The following C5 variants were observed in gnomAD, a reference collection of about 807,000 sequenced individuals.
The protein encoded by C5 is C3 and PZP-like alpha-2-macroglobulin domain-containing protein 4.
In C5, 140 loss-of-function variants were observed where a neutral mutation model predicts 218.8. The ratio of observed to expected loss-of-function variants is 0.64; its 90% CI spans 0.56 to 0.74. The LOEUF is 0.74. Ranked by LOEUF, C5 falls within the 30% of genes least tolerant of loss-of-function variation. C5 has a pLI of 0.00. For synonymous variants in C5, 614 were observed against 682.3 expected (o/e 0.90, Z 1.56); for missense variants, 1,700 against 1,969.6 (o/e 0.86, Z 2.59).
At chr9:121,060,953 C>T in the C5 span, among the ~76,000 whole-genome samples, 1 of 152,068 alleles carries the variant, frequency 6.6e-6, no homozygotes, top group African/African-American at 2.4e-5. Flanking sequence ...TTTGGGATGT[C>T]GAGGCAGGCA....
At chr9:121,039,766 A>G (rs2047560779) in intron 3 of C5, among the ~76,000 whole-genome samples, 1 of 152,150 alleles carries the variant, frequency 6.6e-6, no homozygotes, top group African/African-American at 2.4e-5. Flanking sequence ...CTCCTGCCTC[A>G]GCCTCCCGAG....
intron 31 of C5, among the ~76,000 whole-genome samples, chr9:120,971,033 G>A (rs529248936): frequency 2.8e-4 from 42 of 152,036 alleles, no homozygotes; most frequent in Admixed American, 7.9e-4. Context: ...TTAGCCAGGC[G>A]TAGTGGCATG....
chr9:121,023,016 T>G (rs955781388), intron 10 of C5, among the ~76,000 whole-genome samples: 1 of 151,558 alleles, frequency 6.6e-6, no homozygotes, highest in Non-Finnish European at 1.5e-5. Context: ...GAGAAAGGAG[T>G]CTATTTTCAA....
chr9:121,016,007 C>T (rs1374373271), intron 15 of C5, among the ~76,000 whole-genome samples: 5 of 152,176 alleles, frequency 3.3e-5, no homozygotes, highest in Admixed American at 2.0e-4. Context: ...TTAAACATAA[C>T]GTAAGGCACA....
chr9:121,060,884 T>G, the C5 span, among the ~76,000 whole-genome samples: 4 of 152,332 alleles, frequency 2.6e-5, no homozygotes, highest in Admixed American at 1.3e-4. Context: ...CTGTATTGCT[T>G]CATTTAAAAA....
intron 20 of C5, among the ~76,000 whole-genome samples, chr9:121,004,120 C>T (rs1198753534): frequency 6.6e-6 from 1 of 152,092 alleles, no homozygotes; most frequent in Non-Finnish European, 1.5e-5. Flanking sequence ...CCACCCGCCT[C>T]GGCCTCCCAA....
Position 121,013,946 on chromosome 9 carries a change from G to A in C5, c.2184C>T (p.Phe728=). ...ISLGPRCIKA[F]TECCVVASQL... Reference sequence around the variant, plus strand: ...GGCTTGCGACGACACAACATTCAGTGAAAGCTTTGATGCATCTTGGCCCTA... The same window carrying A: ...GGCTTGCGACGACACAACATTCAGTAAAAGCTTTGATGCATCTTGGCCCTA... The change falls in exon 17 of 41, where the codon TTC becomes TTT. Residue 728 remains phenylalanine (F), a synonymous_variant. Coordinates refer to ENST00000223642, the MANE Select transcript of C5 (RefSeq NM_001735.3). 6.2e-7 allele frequency: 1 copy of A among 1,614,180 alleles called. No homozygotes were observed. Among genetic ancestry groups the A allele is most frequent in the Non-Finnish European group, 8.5e-7 (1 of 1,180,024 alleles).
chr9:121,017,287 C>G (rs1022948473), intron 14 of C5, 75 bp downstream of exon 14: 4 of 1,561,536 alleles, frequency 2.6e-6, no homozygotes, highest in Non-Finnish European at 3.5e-6. Context: ...CTAGTCTTCC[C>G]TTAGTTCTTC....
chr9:120,953,488 G>T (rs2046761847), intron 40 of C5, among the ~76,000 whole-genome samples: 1 of 152,182 alleles, frequency 6.6e-6, no homozygotes, highest in African/African-American at 2.4e-5. Flanking sequence ...GTGGTTAGGG[G>T]AGGTCCGGTG....
At chr9:121,048,552 A>T (rs2047647361) in intron 1 of C5, among the ~76,000 whole-genome samples, 1 of 152,148 alleles carries the variant, frequency 6.6e-6, no homozygotes, top group Non-Finnish European at 1.5e-5. Flanking sequence ...CTTCCACAAA[A>T]CCTGTCCCTA....
chr9:121,014,473 C>T (rs2131754783), intron 16 of C5, among the ~76,000 whole-genome samples: 2 of 152,290 alleles, frequency 1.3e-5, no homozygotes, highest in East Asian at 3.9e-4. Context: ...TTTCCTTCTT[C>T]AAGCTGAATA....
chr9:121,001,509 A>T (rs972719824), intron 20 of C5, among the ~76,000 whole-genome samples: 8 of 152,136 alleles, frequency 5.3e-5, no homozygotes, highest in African/African-American at 1.9e-4. Flanking sequence ...TTAACAAACA[A>T]TATATAGCGC....
At chr9:121,002,854 T>C (rs1192454566) in intron 20 of C5, among the ~76,000 whole-genome samples, 1 of 152,134 alleles carries the variant, frequency 6.6e-6, no homozygotes, top group Non-Finnish European at 1.5e-5. Context: ...ACGTTGTATT[T>C]AGGGTGGTGG....
rs199630395 is a variant in C5, at chr9:121,018,188, G to A, written c.1507-336C>T. Among the ~76,000 whole-genome samples the A allele has an allele frequency of 5.9e-5, 8 of 136,110 alleles. No individual in the cohort carries two copies. The East Asian group carries it at 1.7e-3, about 29-fold the overall frequency. 89.3% of individuals were successfully genotyped at this position (136,110 alleles called of 152,430 possible). ...GAATTACTGGAGCCCGAGAGGTGAA[G>A]TTTGCAGTGAGCTGAGATCATGCCA... is the stretch of plus-strand genomic sequence containing the variant. On this transcript the variant is annotated intron_variant, in intron 12 of 40. Coordinates refer to ENST00000223642, the MANE Select transcript of C5 (RefSeq NM_001735.3).
the C5 span, chr9:121,074,821 CAA>C: frequency 6.1e-5 from 28 of 455,948 alleles, no homozygotes; most frequent in Admixed American, 6.3e-4. Flanking sequence ...GCCTCGCGCC[CAA>C]GACTCCCCGG....
At chr9:121,061,689 T>C in the C5 span, among the ~76,000 whole-genome samples, 1 of 152,270 alleles carries the variant, frequency 6.6e-6, no homozygotes, top group Non-Finnish European at 1.5e-5. Flanking sequence ...CATCTTCATA[T>C]TGTGTACCAG....
At chr9:120,959,256 CTTTCTTTCT>C (rs893253417) in intron 38 of C5, among the ~76,000 whole-genome samples, 18 of 127,062 alleles carry the variant, frequency 1.4e-4, no homozygotes, top group Non-Finnish European at 2.4e-4. Flanking sequence ...TTCTTTCTTT[CTTTCTTTCT>C]TTTTTTTTTT....
the C5 span, among the ~76,000 whole-genome samples, chr9:121,055,800 G>T: frequency 6.6e-6 from 1 of 152,218 alleles, no homozygotes; most frequent in Non-Finnish European, 1.5e-5. Context: ...GGAAGGCCAT[G>T]GGCTTCAGGT....
intron 39 of C5, among the ~76,000 whole-genome samples, chr9:120,954,209 AG>A (rs1189022618): frequency 6.6e-6 from 1 of 152,258 alleles, no homozygotes; most frequent in Non-Finnish European, 1.5e-5. Context: ...GGAACATAGT[AG>A]GAACTATGTA....
Sources: allele counts gnomAD v4.1 joint callset (sites outside exome capture counted in the v4.1 genomes callset), GRCh38; gene constraint gnomAD v4.1.1; transcripts MANE v1.5; gene names NCBI Gene and HGNC (gene_info 2026-07-23, HGNC 2026-07-21).